KCNIP4: variants seen among roughly 807,000 people sequenced by gnomAD.
KCNIP4 encodes the protein Kv channel-interacting protein 4.
A neutral mutation model predicts 34.0 loss-of-function variants in KCNIP4; 12 were observed. The ratio of observed to expected loss-of-function variants is 0.35; its 90% confidence interval spans 0.23 to 0.57. The LOEUF (loss-of-function observed/expected upper bound fraction) is 0.57, where lower values mean the gene tolerates loss of function less well. KCNIP4 is among the 20% of genes least tolerant of loss of function. KCNIP4 has a pLI of 0.83. For missense variants in KCNIP4, 238 were observed against 311.7 expected, an observed-to-expected ratio of 0.76 and a Z score of 1.78; for synonymous variants, 124 against 102.2, an observed-to-expected ratio of 1.21 and a Z score of -1.29.
At chr4:21,597,741 C>G (rs1742770195) in intron 1 of KCNIP4, among the ~76,000 whole-genome samples, 1 of 152,138 alleles carries the variant, frequency 6.6e-6, no homozygotes, top group Non-Finnish European at 1.5e-5. Flanking sequence ...AGGACATTTT[C>G]TTAAAATATA....
chr4:21,869,621 C>T (rs1049616980), intron 1 of KCNIP4, among the ~76,000 whole-genome samples: 2 of 152,046 alleles, frequency 1.3e-5, no homozygotes, highest in African/African-American at 4.8e-5. Context: ...CAATTCTTTT[C>T]GTTCTCTCTT....
chr4:21,947,366 A>G (rs952388433), intron 1 of KCNIP4, among the ~76,000 whole-genome samples: 2 of 152,234 alleles, frequency 1.3e-5, no homozygotes, highest in Admixed American at 1.3e-4. Context: ...GTTACAAGTC[A>G]AATGTGGGGC....
chr4:21,428,185 T>A (rs1726099678), intron 1 of KCNIP4, among the ~76,000 whole-genome samples: 1 of 152,162 alleles, frequency 6.6e-6, no homozygotes, highest in Non-Finnish European at 1.5e-5. Flanking sequence ...ACAATGATTA[T>A]TACAGGCATA....
intron 4 of KCNIP4, among the ~76,000 whole-genome samples, chr4:20,756,786 A>C (rs377405893): frequency 1.3e-5 from 2 of 151,838 alleles, no homozygotes; most frequent in African/African-American, 2.4e-5. Flanking sequence ...TGAACTATCT[A>C]TCTCTCTTGT....
Position 21,388,881 on chromosome 4 carries a change from A to G in KCNIP4, c.62-506172T>C, listed in dbSNP as rs115845572. Among the ~76,000 whole-genome samples, 1,134 of 152,052 alleles carry G rather than the reference A, an allele frequency of 7.5e-3. 16 individuals are homozygous for G. The highest frequency in any genetic ancestry group is 0.026 in the African/African-American group (1,094 of 41,464). On this transcript the variant is annotated intron_variant, in intron 1 of 8. Coordinates refer to ENST00000382152, the MANE Select transcript of KCNIP4 (RefSeq NM_025221.6). ...TTCATTGTATACATGTAATATCTTT[A>G]TTTATAACTTGATAGACATTTGGGT...
intron 1 of KCNIP4, among the ~76,000 whole-genome samples, chr4:21,832,361 G>A (rs1384872284): frequency 2.0e-5 from 3 of 152,042 alleles, no homozygotes; most frequent in Non-Finnish European, 2.9e-5. Context: ...TTATAAGGGT[G>A]TGCTATTTAG....
chr4:21,108,933 G>A (rs971865019), intron 1 of KCNIP4, among the ~76,000 whole-genome samples: 3 of 152,198 alleles, frequency 2.0e-5, no homozygotes, highest in African/African-American at 7.2e-5. Flanking sequence ...AACCACGAAT[G>A]CTGCTGTCTG....
chr4:21,495,069 A>G (rs901666137), intron 1 of KCNIP4, among the ~76,000 whole-genome samples: 10 of 152,144 alleles, frequency 6.6e-5, no homozygotes, highest in African/African-American at 2.4e-4. Context: ...TAAAAGCATC[A>G]TGTGTTTGCT....
intron 1 of KCNIP4, among the ~76,000 whole-genome samples, chr4:21,049,883 C>G (rs1742774700): frequency 6.6e-6 from 1 of 152,138 alleles, no homozygotes; most frequent in African/African-American, 2.4e-5. Flanking sequence ...ATTTAAAAAC[C>G]CAATCTTTCA....
chr4:20,964,564 T>C (rs1220815674), intron 1 of KCNIP4, among the ~76,000 whole-genome samples: 3 of 152,152 alleles, frequency 2.0e-5, no homozygotes, highest in Non-Finnish European at 4.4e-5. Context: ...CTTCATCCAC[T>C]TTTCTGATGA....
intron 3 of KCNIP4, among the ~76,000 whole-genome samples, chr4:20,793,365 A>T (rs1713025563): frequency 6.6e-6 from 1 of 152,204 alleles, no homozygotes; most frequent in Admixed American, 6.5e-5. Flanking sequence ...ATGCTGAGAC[A>T]ATGTAGATCA....
intron 1 of KCNIP4, among the ~76,000 whole-genome samples, chr4:21,911,508 CTTTTT>C (rs67157154): frequency 2.7e-5 from 1 of 37,116 alleles, no homozygotes; most frequent in African/African-American, 1.5e-4. Flanking sequence ...AGGCGCTTGA[CTTTTT>C]TTTTTTTTTT....
intron 1 of KCNIP4, among the ~76,000 whole-genome samples, chr4:21,071,912 G>C (rs4582146): frequency 6.6e-6 from 1 of 152,168 alleles, no homozygotes; most frequent in Non-Finnish European, 1.5e-5. Flanking sequence ...TTGTCCTTGC[G>C]ATAGTTTGCT....
At chr4:21,931,740 C>T (rs1483467316) in intron 1 of KCNIP4, among the ~76,000 whole-genome samples, 7 of 152,164 alleles carry the variant, frequency 4.6e-5, no homozygotes, top group East Asian at 1.9e-4. Flanking sequence ...AATAAACATA[C>T]GTGTGCATGT....
intron 1 of KCNIP4, among the ~76,000 whole-genome samples, chr4:21,932,803 T>C (rs990766787): frequency 6.6e-6 from 1 of 151,908 alleles, no homozygotes; most frequent in Non-Finnish European, 1.5e-5. Flanking sequence ...TATCTACTAT[T>C]ATCTAAGAAA....
chr4:21,579,868 T>C (rs1028548218), intron 1 of KCNIP4, among the ~76,000 whole-genome samples: 2 of 152,174 alleles, frequency 1.3e-5, no homozygotes, highest in African/African-American at 2.4e-5. Context: ...TAAAAATTCC[T>C]TTTGAAGAGT....
rs1010692197 is a variant in KCNIP4, at chr4:20,916,294, C to T, written c.62-33585G>A. The T allele has an allele frequency of 6.1e-6, 6 of 984,572 alleles. No homozygotes were observed. The African/African-American group carries it at 7.0e-5, about 11-fold the overall frequency. 61.0% of individuals were successfully genotyped at this position (984,572 alleles called of 1,614,324 possible). On this transcript the variant is annotated intron_variant, in intron 1 of 8. Transcript: ENST00000382152. ...CCACCCACATTTCCTGCCCACGTAA[C>T]CTCAGAGTGGCTTTTTAGAAGTGTT...
chr4:21,353,439 A>G (rs1718229483), intron 1 of KCNIP4, among the ~76,000 whole-genome samples: 1 of 152,234 alleles, frequency 6.6e-6, no homozygotes, highest in Non-Finnish European at 1.5e-5. Context: ...TAAACAGTGT[A>G]GAGAAGACCT....
At chr4:21,894,866 C>G (rs1417034038) in intron 1 of KCNIP4, among the ~76,000 whole-genome samples, 1 of 152,124 alleles carries the variant, frequency 6.6e-6, no homozygotes, top group Non-Finnish European at 1.5e-5. Context: ...GTCTTGATAC[C>G]TTAGTACTCC....
Sources: allele counts gnomAD v4.1 joint callset (sites outside exome capture counted in the v4.1 genomes callset), GRCh38; gene constraint gnomAD v4.1.1; transcripts MANE v1.5; gene names NCBI Gene and HGNC (gene_info 2026-07-23, HGNC 2026-07-21).